The following AMMECR1L variants were observed in gnomAD, a reference collection of about 807,000 sequenced individuals.
AMMECR1L encodes AMMECR1 like, also known as AMMECR1-like protein.
AMMECR1L carries 4 observed loss-of-function variants against 36.8 expected under a neutral mutation model. The ratio of observed to expected loss-of-function variants is 0.11; its 90% CI spans 0.05 to 0.25. The LOEUF (loss-of-function observed/expected upper bound fraction) is 0.25, where lower values mean the gene tolerates loss of function less well. AMMECR1L is among the 10% of genes least tolerant of loss of function. The pLI is 1.00. For synonymous variants in AMMECR1L, 147 were observed against 148.0 expected, an observed-to-expected ratio of 0.99 and a Z score of 0.05; for missense variants, 232 against 392.1, an observed-to-expected ratio of 0.59 and a Z score of 3.45.
rs1172683043 is a variant in AMMECR1L at position 127,864,252 on chromosome 2, TA to T, written c.*841del. The stretch of plus-strand genomic sequence containing the variant: ...CACTGCTACCAGCAGAGGAGTGAGG[TA>T]GCCAGGCGGTGCAGAAGAGGTCTCT... On this transcript the variant is annotated 3_prime_UTR_variant, in exon 8 of 8. Transcript: ENST00000272647. 6.5e-6 allele frequency: 1 copy of T among 152,688 alleles called. No individual in the cohort carries two copies. Among genetic ancestry groups the T allele is most frequent in the East Asian group, 1.9e-4 (1 of 5,196 alleles). 9.5% of individuals were successfully genotyped at this position (152,688 alleles called of 1,614,324 possible). A position where few individuals can be genotyped will look rare whatever the true frequency, so the allele number is the denominator to read the frequency against.
rs140256341 is a variant in AMMECR1L at position 127,875,441 on chromosome 2, T to C, written c.-38-1169A>G. ...GATTTGCGCTGTCCTACCTAAATTT[T>C]CCCCTGTGATTTGGACATGTCATAT... On this transcript the variant is annotated intron_variant, in intron 2 of 7. Transcript: ENST00000272647. Among the ~76,000 whole-genome samples, 38 of 152,216 alleles carry C rather than the reference T, an allele frequency of 2.5e-4. No individual in the cohort carries two copies. In the East Asian group the frequency reaches 6.9e-3, roughly 28 times the overall value.
At chr2:127,867,333 C>A in intron 6 of AMMECR1L, 9 of 981,070 alleles carry the variant, frequency 9.2e-6, no homozygotes, top group Non-Finnish European at 1.1e-5. Context: ...AGTGCTGGTA[C>A]CCAAGGCTGC....
At chr2:127,867,034 T>C (rs771576427) in intron 6 of AMMECR1L, 38 bp from the exon 7 acceptor site, 3 of 1,612,666 alleles carry the variant, frequency 1.9e-6, no homozygotes, top group Non-Finnish European at 2.5e-6. Context: ...TCAATGCACA[T>C]GCAAGAGTAA....
At chr2:127,868,863 T>C (rs1690827704) in intron 6 of AMMECR1L, among the ~76,000 whole-genome samples, 2 of 151,660 alleles carry the variant, frequency 1.3e-5, no homozygotes, top group Non-Finnish European at 2.9e-5. Context: ...TAGCTGGGTC[T>C]ACAGGCATGC....
chr2:127,885,378 C>A (rs1691717798), intron 1 of AMMECR1L: 1 of 977,482 alleles, frequency 1.0e-6, no homozygotes, highest in Admixed American at 6.4e-5. Context: ...TTGGGCCGAG[C>A]CGCGGGGGTG....
chr2:127,875,392 G>C (rs542072482), intron 2 of AMMECR1L, among the ~76,000 whole-genome samples: 4 of 152,092 alleles, frequency 2.6e-5, no homozygotes, highest in Non-Finnish European at 5.9e-5. Context: ...AAGGGCAAGT[G>C]GGGGGAGGGA....
intron 1 of AMMECR1L, chr2:127,884,646 C>T (rs977333431): frequency 1.3e-5 from 2 of 152,196 alleles, no homozygotes; most frequent in Admixed American, 6.5e-5. Context: ...GCTCTCAGGC[C>T]AGAAGAGACC....
intron 6 of AMMECR1L, 34 bp from the exon 7 acceptor site, chr2:127,867,030 C>T (rs1384566809): frequency 6.2e-7 from 1 of 1,612,440 alleles, no homozygotes; most frequent in Admixed American, 1.7e-5. Flanking sequence ...GAGGTCAATG[C>T]ACATGCAAGA....
At position 127,861,996 on chromosome 2, in the gene AMMECR1L, A is replaced by G. The variant is rs1249870484; in HGVS notation, c.*3098T>C. On this transcript the variant is annotated 3_prime_UTR_variant, in exon 8 of 8. Transcript: ENST00000272647. ...GTAATGTCTCAACTACAAACCTTTC[A>G]TGTTGAAAGGGTCTCTAACATGAGT... 2 of 152,654 alleles carry G rather than the reference A, an allele frequency of 1.3e-5. No homozygotes were observed. Among genetic ancestry groups the G allele is most frequent in the African/African-American group, 4.8e-5 (2 of 41,462 alleles). 9.5% of individuals were successfully genotyped at this position (152,654 alleles called of 1,614,324 possible).
intron 2 of AMMECR1L, among the ~76,000 whole-genome samples, chr2:127,883,387 G>A (rs970411574): frequency 3.3e-5 from 5 of 152,102 alleles, no homozygotes; most frequent in Admixed American, 2.6e-4. Context: ...GAGCCACTGC[G>A]CCTGGCCAGA....
At chr2:127,872,249 G>A (rs1691010924) in intron 3 of AMMECR1L, among the ~76,000 whole-genome samples, 1 of 151,156 alleles carries the variant, frequency 6.6e-6, no homozygotes, top group South Asian at 2.1e-4. Context: ...TGTTGCCCAG[G>A]CTAATCTTGA....
In AMMECR1L at chr2:127,862,882, T is replaced by C. The variant is rs1690527532; in HGVS notation, c.*2212A>G. On this transcript the variant is annotated 3_prime_UTR_variant, in exon 8 of 8. Coordinates refer to ENST00000272647, the MANE Select transcript of AMMECR1L (RefSeq NM_001199140.2). Reference sequence around the variant, plus strand: ...CCCCCCTCGATAAAATAAAATAAAATAAAATAAAATAATAAAATAAAATAA... The same window carrying C: ...CCCCCCTCGATAAAATAAAATAAAACAAAATAAAATAATAAAATAAAATAA... 2 of 151,114 alleles carry C rather than the reference T, an allele frequency of 1.3e-5. No individual in the cohort carries two copies. The allele number at this position is 151,114 out of a possible 1,614,324, so 9.4% of individuals were successfully genotyped here. A position where few individuals can be genotyped will look rare whatever the true frequency, so the allele number is the denominator to read the frequency against.
chr2:127,876,829 C>T, intron 2 of AMMECR1L, among the ~76,000 whole-genome samples: 1 of 151,942 alleles, frequency 6.6e-6, no homozygotes. Context: ...ACCAGCCTGA[C>T]CAACATGGAG....
intron 1 of AMMECR1L, chr2:127,885,288 G>A (rs1009579423): frequency 3.3e-5 from 32 of 984,558 alleles, no homozygotes; most frequent in African/African-American, 5.2e-5. Flanking sequence ...CAGGGTGAAA[G>A]GTGAGAAACG....
chr2:127,882,579 G>A (rs543147980), intron 2 of AMMECR1L, among the ~76,000 whole-genome samples: 3 of 152,122 alleles, frequency 2.0e-5, no homozygotes, highest in Non-Finnish European at 4.4e-5. Context: ...ACAAATCACA[G>A]ATATACCTAT....
intron 2 of AMMECR1L, among the ~76,000 whole-genome samples, chr2:127,876,304 C>G (rs1160382498): frequency 2.0e-5 from 3 of 150,142 alleles, no homozygotes; most frequent in African/African-American, 7.4e-5. Flanking sequence ...GAGCTATGAC[C>G]ATGCCACTGC....
rs768383634 is a variant in AMMECR1L at position 127,874,006 on chromosome 2, T to A, written c.229A>T (p.Thr77Ser). ...LTLGPGNSPI[T>S]RMNPASGALS... is the part of the protein sequence containing the mutation. Reference sequence around the variant, plus strand: ...GCTCCCGATGCGGGATTCATTCGTGTGATGGGAGAGTTTCCAGGTCCCAGA... The same window carrying A: ...GCTCCCGATGCGGGATTCATTCGTGAGATGGGAGAGTTTCCAGGTCCCAGA... The change falls in exon 3 of 8, where the codon ACA becomes TCA. Residue 77 changes from threonine to serine, a missense_variant. Around this residue, in one of 3 missense-constraint regions of AMMECR1L, gnomAD observed 109 missense variants for 128.1 expected, o/e 0.85. Transcript: ENST00000272647. The surrounding 1 kb of genome is among the most constrained non-coding windows in gnomAD (Gnocchi z 5.2). 2.2e-5 allele frequency: 35 copies of A among 1,614,124 alleles called. No homozygotes were observed. The East Asian group carries it at 7.6e-4, about 35-fold the overall frequency.
intron 7 of AMMECR1L, among the ~76,000 whole-genome samples, chr2:127,866,028 G>T (rs1010057298): frequency 6.6e-6 from 1 of 152,160 alleles, no homozygotes; most frequent in Non-Finnish European, 1.5e-5. Flanking sequence ...TGTATTTGAA[G>T]AGTTTTTTGT....
Position 127,861,866 on chromosome 2 carries a change from A to C in AMMECR1L, c.*3228T>G, listed in dbSNP as rs530662833. On this transcript the variant is annotated 3_prime_UTR_variant, in exon 8 of 8. Transcript: ENST00000272647. ...TAGAAAATAACGTCAACAGTTAGTG[A>C]AATTGTAGATGTCAACACATCATGG... is the stretch of plus-strand genomic sequence containing the variant. The C allele has an allele frequency of 9.2e-5, 14 of 152,608 alleles. No individual in the cohort carries two copies. The highest frequency in any genetic ancestry group is 1.8e-4 in the Non-Finnish European group (12 of 68,044). The allele number at this position is 152,608 out of a possible 1,614,324, so 9.5% of individuals were successfully genotyped here.
Sources: allele counts gnomAD v4.1 joint callset (sites outside exome capture counted in the v4.1 genomes callset), GRCh38; gene constraint gnomAD v4.1.1; regional missense constraint gnomAD v4.1.1; non-coding constraint Gnocchi (gnomAD v3.1); transcripts MANE v1.5; gene names NCBI Gene and HGNC (gene_info 2026-07-23, HGNC 2026-07-21).